The following PLA2G2C variants were observed in gnomAD, a reference collection of about 807,000 sequenced individuals.
PLA2G2C encodes phospholipase A2 group IIC.
A neutral mutation model predicts 14.3 loss-of-function variants in PLA2G2C; 15 were observed. The ratio of observed to expected loss-of-function variants is 1.05; its 90% CI spans 0.70 to 1.62. The LOEUF (loss-of-function observed/expected upper bound fraction) is 1.62, where lower values mean the gene tolerates loss of function less well. Ranked by LOEUF, PLA2G2C falls within the 40% of genes most tolerant of loss-of-function variation. The pLI, the probability that PLA2G2C is intolerant of heterozygous loss-of-function variation, is 0.00. For synonymous variants in PLA2G2C, 79 were observed against 67.7 expected, an observed-to-expected ratio of 1.17 and a Z score of -0.82; for missense variants, 162 against 173.2, an observed-to-expected ratio of 0.94 and a Z score of 0.36.
intron 2 of PLA2G2C, 150 bp from the exon 3 acceptor site, chr1:20,175,295 G>A (rs1281810734): frequency 5.2e-6 from 6 of 1,145,464 alleles, no homozygotes; most frequent in Non-Finnish European, 7.5e-6. Context: ...GGAATCACCA[G>A]CCTCTTTCCT....
intron 4 of PLA2G2C, among the ~76,000 whole-genome samples, chr1:20,167,505 C>T (rs867772687): frequency 9.9e-5 from 15 of 152,210 alleles, no homozygotes; most frequent in Admixed American, 6.5e-5. Flanking sequence ...ACCCGCACAG[C>T]ATTGCCGACA....
At chr1:20,170,486 G>C (rs996330103) in intron 4 of PLA2G2C, among the ~76,000 whole-genome samples, 2 of 152,204 alleles carry the variant, frequency 1.3e-5, no homozygotes, top group Non-Finnish European at 2.9e-5. Context: ...CCCTGGCACA[G>C]CACCGGCACT....
At chr1:20,173,032 G>A (rs1383585546) in intron 3 of PLA2G2C, 135 bp from the exon 4 acceptor site, 1 of 621,178 alleles carries the variant, frequency 1.6e-6, no homozygotes, top group East Asian at 2.8e-5. Context: ...ACATAGGCCA[G>A]GTGTGGTGGC....
chr1:20,166,692 T>C (rs546198300), intron 4 of PLA2G2C, among the ~76,000 whole-genome samples: 2 of 152,344 alleles, frequency 1.3e-5, no homozygotes, highest in Non-Finnish European at 2.9e-5. Context: ...TTCCTTTGCC[T>C]CAAGTCTCTA....
At chr1:20,167,491 C>T (rs1490148873) in intron 4 of PLA2G2C, among the ~76,000 whole-genome samples, 1 of 152,180 alleles carries the variant, frequency 6.6e-6, no homozygotes, top group Admixed American at 6.5e-5. Flanking sequence ...TCGGCCCTGA[C>T]CCTACCCGCA....
chr1:20,180,761 G>A (rs958499511), intron 1 of PLA2G2C, among the ~76,000 whole-genome samples: 4 of 152,238 alleles, frequency 2.6e-5, no homozygotes, highest in East Asian at 1.9e-4. Context: ...CCGAGGGCCC[G>A]AGGCTTGATG....
intron 4 of PLA2G2C, among the ~76,000 whole-genome samples, chr1:20,164,618 A>G (rs563501990): frequency 4.5e-4 from 68 of 152,310 alleles, no homozygotes; most frequent in Non-Finnish European, 9.4e-4. Flanking sequence ...GCATTTTCCC[A>G]GAGCTCATCT....
At chr1:20,173,190 C>A (rs1020152625) in intron 3 of PLA2G2C, among the ~76,000 whole-genome samples, 1 of 151,070 alleles carries the variant, frequency 6.6e-6, no homozygotes, top group African/African-American at 2.4e-5. Flanking sequence ...GTGGCACCAG[C>A]CTGTGGTCCC....
chr1:20,178,674 G>T (rs892357464), intron 1 of PLA2G2C, among the ~76,000 whole-genome samples: 7 of 152,214 alleles, frequency 4.6e-5, no homozygotes, highest in Non-Finnish European at 8.8e-5. Context: ...AAGGGGCTCA[G>T]TTCTTTTGAA....
At chr1:20,185,665 C>T (rs1330126200) in intron 1 of PLA2G2C, among the ~76,000 whole-genome samples, 1 of 152,118 alleles carries the variant, frequency 6.6e-6, no homozygotes, top group Non-Finnish European at 1.5e-5. Context: ...CTCAGATACC[C>T]TAGAAGCATC....
chr1:20,177,652 T>C (rs956437185), intron 1 of PLA2G2C, among the ~76,000 whole-genome samples: 2 of 152,164 alleles, frequency 1.3e-5, no homozygotes, highest in African/African-American at 4.8e-5. Context: ...TGGTTTGGTT[T>C]TTTTTTTTCC....
At chr1:20,164,384 A>G (rs1309873754) in intron 4 of PLA2G2C, among the ~76,000 whole-genome samples, 1 of 151,892 alleles carries the variant, frequency 6.6e-6, no homozygotes, top group Non-Finnish European at 1.5e-5. Flanking sequence ...GTGTGTGTGT[A>G]TGGTCGTGTG....
intron 2 of PLA2G2C, among the ~76,000 whole-genome samples, chr1:20,175,910 C>CT (rs1245322352): frequency 0.014 from 2,019 of 139,862 alleles, 23 homozygotes; most frequent in African/African-American, 0.033. Context: ...CCCTTTCCTT[C>CT]TTTTTTTTTT....
intron 1 of PLA2G2C, among the ~76,000 whole-genome samples, chr1:20,178,122 C>T (rs1277285652): frequency 6.6e-6 from 1 of 152,184 alleles, no homozygotes; most frequent in Non-Finnish European, 1.5e-5. Context: ...CTGTTTTGTA[C>T]TATCAAATGC....
chr1:20,175,107 C>T lies in PLA2G2C; in HGVS notation c.79G>A (p.Val27Ile), dbSNP rs759261878. 1.2e-6 allele frequency: 2 copies of T among 1,613,940 alleles called. No individual in the cohort carries two copies. The highest frequency in any genetic ancestry group is 1.1e-5 in the South Asian group (1 of 91,082). Residue 27 changes from valine to isoleucine, a missense_variant, in exon 3 of 5, where the codon GTC becomes ATC. Val to Ile is a conservative substitution (Grantham distance 29). Transcript: ENST00000679259. Reference sequence around the variant, plus strand: ...GCACTTCGCCCCGTGATGTGTTTGACCCTCCTCTGAAACTGCCAGAAACTG... The same window carrying T: ...GCACTTCGCCCCGTGATGTGTTTGATCCTCCTCTGAAACTGCCAGAAACTG... Reference protein sequence around the residue: ...HSSFWQFQRRVKHITGRSAFF... With the variant: ...HSSFWQFQRRIKHITGRSAFF...
intron 4 of PLA2G2C, among the ~76,000 whole-genome samples, chr1:20,171,747 A>G (rs1332693520): frequency 6.6e-6 from 1 of 150,460 alleles, no homozygotes; most frequent in Non-Finnish European, 1.5e-5. Context: ...CACTATAAGA[A>G]GCCACTTCTT....
intron 1 of PLA2G2C, among the ~76,000 whole-genome samples, chr1:20,182,669 G>T (rs2018292982): frequency 6.6e-6 from 1 of 152,230 alleles, no homozygotes; most frequent in Non-Finnish European, 1.5e-5. Context: ...ATGACTAACT[G>T]CCAGCCTCTT....
intron 1 of PLA2G2C, among the ~76,000 whole-genome samples, chr1:20,181,892 C>T (rs1390410070): frequency 2.6e-5 from 4 of 152,294 alleles, no homozygotes. Context: ...TGGAGAGCAA[C>T]TAACTCAGGG....
At chr1:20,172,708 C>T in intron 4 of PLA2G2C, 86 bp downstream of exon 4, 2 of 1,189,236 alleles carry the variant, frequency 1.7e-6, no homozygotes, top group South Asian at 2.9e-5. Context: ...ATTTCATTTT[C>T]TAAAAGATCT....
Sources: allele counts gnomAD v4.1 joint callset (sites outside exome capture counted in the v4.1 genomes callset), GRCh38; gene constraint gnomAD v4.1.1; transcripts MANE v1.5; gene names NCBI Gene and HGNC (gene_info 2026-07-23, HGNC 2026-07-21).